Variants in CAMKMT observed in about 807,000 individuals in gnomAD.
The protein encoded by CAMKMT is calmodulin-lysine N-methyltransferase.
In CAMKMT, 53 loss-of-function variants were observed where a neutral mutation model predicts 48.0. That is an observed-to-expected ratio of 1.10 (90% CI 0.89 to 1.39). The LOEUF (loss-of-function observed/expected upper bound fraction) is 1.39. Ranked by LOEUF, CAMKMT falls within the 40% of genes most tolerant of loss-of-function variation. CAMKMT has a pLI of 0.00. For synonymous variants in CAMKMT, 165 were observed against 152.3 expected (o/e 1.08, Z -0.61); for missense variants, 428 against 402.7 (o/e 1.06, Z -0.54).
chr2:44,479,541 G>A (rs1048331898), intron 3 of CAMKMT, among the ~76,000 whole-genome samples: 13 of 152,186 alleles, frequency 8.5e-5, no homozygotes, highest in Non-Finnish European at 1.5e-5. Context: ...CTGCTGTTAA[G>A]AAAAGTGCCT....
chr2:44,404,414 T>C (rs1682635244), intron 3 of CAMKMT, among the ~76,000 whole-genome samples: 1 of 152,064 alleles, frequency 6.6e-6, no homozygotes, highest in Admixed American at 6.6e-5. Flanking sequence ...AATACATACG[T>C]GTTATTTTGT....
At chr2:44,433,396 G>A (rs929620109) in intron 3 of CAMKMT, among the ~76,000 whole-genome samples, 3 of 151,926 alleles carry the variant, frequency 2.0e-5, no homozygotes, top group East Asian at 3.9e-4. Flanking sequence ...AGCTTTAAGT[G>A]TATTTTTTTT....
chr2:44,549,771 C>T (rs1191729344), intron 3 of CAMKMT: 5 of 443,050 alleles, frequency 1.1e-5, no homozygotes, highest in Non-Finnish European at 2.0e-5. Flanking sequence ...AAACTCCACT[C>T]CCTCTTAGAC....
intron 3 of CAMKMT, among the ~76,000 whole-genome samples, chr2:44,390,560 G>C (rs1305143228): frequency 6.6e-6 from 1 of 151,752 alleles, no homozygotes; most frequent in Non-Finnish European, 1.5e-5. Flanking sequence ...GAGAGAGAGG[G>C]AGATGGAGAG....
At chr2:44,567,698 G>A (rs1572819237) in intron 3 of CAMKMT, among the ~76,000 whole-genome samples, 2 of 152,172 alleles carry the variant, frequency 1.3e-5, no homozygotes, top group South Asian at 4.1e-4. Context: ...GATTTTCCTT[G>A]TCAGGTTTCT....
At chr2:44,392,058 A>T (rs999172981) in intron 3 of CAMKMT, 4 of 152,480 alleles carry the variant, frequency 2.6e-5, no homozygotes, top group African/African-American at 9.7e-5. Context: ...TATGCAATAA[A>T]AGTTATTAAT....
At chr2:44,572,771 C>T (rs555549956) in intron 3 of CAMKMT, among the ~76,000 whole-genome samples, 4 of 152,262 alleles carry the variant, frequency 2.6e-5, no homozygotes, top group African/African-American at 9.6e-5. Context: ...ACTGGAGTCC[C>T]TGCTTTAATT....
rs1007715959 is a variant in CAMKMT, at chr2:44,490,624, A to G, written c.376+100319A>G. Among the ~76,000 whole-genome samples the G allele has an allele frequency of 1.3e-5, 2 of 152,112 alleles. 1 individual carries two copies. The highest frequency in any genetic ancestry group is 4.8e-5 in the African/African-American group (2 of 41,414). ...TCTCCACATATTTATCTTCATTTTG[A>G]AGTATTCTGGATTTCAAGTACTCAT... On this transcript the variant is annotated intron_variant, in intron 3 of 10. Coordinates refer to ENST00000378494, the MANE Select transcript of CAMKMT (RefSeq NM_024766.5).
At chr2:44,655,579 T>C (rs543763825) in intron 3 of CAMKMT, among the ~76,000 whole-genome samples, 2 of 152,292 alleles carry the variant, frequency 1.3e-5, no homozygotes, top group Admixed American at 1.3e-4. Flanking sequence ...TCTGAACTTA[T>C]CTCCTAAATA....
intron 3 of CAMKMT, among the ~76,000 whole-genome samples, chr2:44,552,741 T>C (rs1667789972): frequency 6.6e-6 from 1 of 152,238 alleles, no homozygotes; most frequent in Non-Finnish European, 1.5e-5. Flanking sequence ...CAAAGTCATA[T>C]GGTATGTGAT....
intron 3 of CAMKMT, among the ~76,000 whole-genome samples, chr2:44,689,702 C>G (rs1188697889): frequency 6.6e-6 from 1 of 152,178 alleles, no homozygotes; most frequent in Non-Finnish European, 1.5e-5. Flanking sequence ...TCCACCTGTC[C>G]TAGACATGCT....
intron 8 of CAMKMT, among the ~76,000 whole-genome samples, chr2:44,745,179 C>T (rs1472355921): frequency 3.3e-5 from 5 of 152,152 alleles, no homozygotes; most frequent in African/African-American, 1.2e-4. Context: ...CTTCCTGAAG[C>T]TTTAGACAAG....
chr2:44,617,941 T>C, intron 3 of CAMKMT, among the ~76,000 whole-genome samples: 1 of 152,222 alleles, frequency 6.6e-6, no homozygotes, highest in South Asian at 2.1e-4. Flanking sequence ...AGATGGCTTA[T>C]GTAAGAGCCA....
At chr2:44,540,000 T>C (rs952956837) in intron 3 of CAMKMT, among the ~76,000 whole-genome samples, 4 of 152,132 alleles carry the variant, frequency 2.6e-5, no homozygotes, top group African/African-American at 9.7e-5. Context: ...AAACATATTG[T>C]TCCTCATTAA....
At chr2:44,446,899 CAT>C (rs1368864438) in intron 3 of CAMKMT, among the ~76,000 whole-genome samples, 10 of 152,328 alleles carry the variant, frequency 6.6e-5, no homozygotes, top group East Asian at 3.9e-4. Flanking sequence ...TGTACATACA[CAT>C]GTTATGATTT....
At chr2:44,585,314 T>G (rs1365032179) in intron 3 of CAMKMT, among the ~76,000 whole-genome samples, 1 of 152,162 alleles carries the variant, frequency 6.6e-6, no homozygotes, top group Non-Finnish European at 1.5e-5. Flanking sequence ...ATGAAGAGAT[T>G]GACAGTTTAT....
intron 3 of CAMKMT, among the ~76,000 whole-genome samples, chr2:44,584,196 T>C (rs1669723476): frequency 6.6e-6 from 1 of 152,208 alleles, no homozygotes; most frequent in East Asian, 1.9e-4. Flanking sequence ...TCACTGGTGT[T>C]TTCCTTATTA....
At chr2:44,474,177 G>A (rs968753594) in intron 3 of CAMKMT, among the ~76,000 whole-genome samples, 36 of 152,244 alleles carry the variant, frequency 2.4e-4, no homozygotes, top group African/African-American at 7.7e-4. Flanking sequence ...CGGGCGTCGT[G>A]GCTCACACCT....
intron 3 of CAMKMT, among the ~76,000 whole-genome samples, chr2:44,536,920 C>G (rs1030170772): frequency 6.6e-6 from 1 of 151,882 alleles, no homozygotes; most frequent in African/African-American, 2.4e-5. Context: ...GTAGGACAGT[C>G]TCCTCAATAA....
Sources: gnomAD v4.1 joint callset for allele counts (sites outside exome capture counted in the v4.1 genomes callset) on GRCh38, gnomAD v4.1.1 for gene constraint, MANE v1.5 for transcripts, NCBI Gene and HGNC (gene_info 2026-07-23, HGNC 2026-07-21) for gene names.